ACLY: variants seen among roughly 807,000 people sequenced by gnomAD.
ACLY encodes ATP-citrate synthase.
Under a neutral mutation model 133.0 loss-of-function variants are expected in ACLY, and 41 were observed. The ratio of observed to expected loss-of-function variants is 0.31; its 90% CI spans 0.24 to 0.40. ACLY has a LOEUF of 0.40. Among genes scored for constraint, ACLY ranks in the 10% least tolerant of loss-of-function variants. ACLY has a pLI of 1.00. For missense variants in ACLY, 1,046 were observed against 1,453.8 expected, an observed-to-expected ratio of 0.72 and a Z score of 4.56; for synonymous variants, 495 against 549.3, an observed-to-expected ratio of 0.90 and a Z score of 1.38.
At chr17:41,875,686 C>T (rs1200640695) in intron 22 of ACLY, among the ~76,000 whole-genome samples, 20 of 152,146 alleles carry the variant, frequency 1.3e-4, no homozygotes, top group East Asian at 1.2e-3. Flanking sequence ...ACGAGTGATC[C>T]GCCAGCCTCG....
intron 16 of ACLY, among the ~76,000 whole-genome samples, chr17:41,890,348 T>G (rs2049170196): frequency 6.6e-6 from 1 of 151,990 alleles, no homozygotes; most frequent in Non-Finnish European, 1.5e-5. Context: ...GTTGGAGTCT[T>G]TCTGAGCCTC....
At chr17:41,909,746 G>A (rs558958614) in intron 4 of ACLY, 46 bp from the exon 5 acceptor site, 14 of 1,578,782 alleles carry the variant, frequency 8.9e-6, no homozygotes, top group East Asian at 4.5e-5. Flanking sequence ...TTGTGGGGGC[G>A]AAGCTGGTGA....
At chr17:41,875,762 G>A (rs1256872669) in intron 22 of ACLY, among the ~76,000 whole-genome samples, 1 of 152,216 alleles carries the variant, frequency 6.6e-6, no homozygotes, top group Non-Finnish European at 1.5e-5. Flanking sequence ...TGCCCAGGCT[G>A]GAGTGCAGTG....
upstream of ACLY, among the ~76,000 whole-genome samples, chr17:41,920,204 A>G (rs950502038): frequency 4.4e-4 from 67 of 152,332 alleles, no homozygotes; most frequent in Non-Finnish European, 9.1e-4. Context: ...CTTGCTACCC[A>G]TGCCTGAATC....
intron 11 of ACLY, among the ~76,000 whole-genome samples, chr17:41,900,946 T>G (rs1035267489): frequency 4.0e-5 from 6 of 151,562 alleles, no homozygotes; most frequent in Admixed American, 1.3e-4. Flanking sequence ...CAAATGTCAG[T>G]TTTCTTTTCT....
At position 41,901,896 on chromosome 17, in the gene ACLY, G is replaced by A. The variant is rs1555631701; in HGVS notation, c.1066-83C>T. 3 of 1,098,384 alleles carry A rather than the reference G, an allele frequency of 2.7e-6. No individual in the cohort carries two copies. In the South Asian group the frequency reaches 4.6e-5, roughly 17 times the overall value. 68.0% of individuals were successfully genotyped at this position (1,098,384 alleles called of 1,614,324 possible). ...TAACCGTGATAAACAAACATACCAG[G>A]TATATGTGACAAGTGCTGCTCCTCA... On this transcript the variant is annotated intron_variant, in intron 10 of 28. Transcript: ENST00000352035.
chr17:41,899,417 G>T (rs1196240030), intron 11 of ACLY, among the ~76,000 whole-genome samples: 1 of 152,118 alleles, frequency 6.6e-6, no homozygotes, highest in Non-Finnish European at 1.5e-5. Context: ...GCATCCACCA[G>T]TGCTTGGTCT....
At chr17:41,871,163 C>T (rs1178934902) in intron 25 of ACLY, among the ~76,000 whole-genome samples, 1 of 152,168 alleles carries the variant, frequency 6.6e-6, no homozygotes, top group Non-Finnish European at 1.5e-5. Flanking sequence ...CTGCTATTTC[C>T]ATACTGCAAG....
At position 41,905,589 on chromosome 17, in the gene ACLY, G is replaced by A. The variant is rs782588192; in HGVS notation, c.936C>T (p.Ser312=). Residue 312 remains serine (S), a synonymous_variant, in exon 9 of 29, where the codon AGC becomes AGT. Coordinates refer to ENST00000352035, the MANE Select transcript of ACLY (RefSeq NM_001096.3). The part of the protein sequence containing the change: ...ANYGEYSGAP[S]EQQTYDYAKT... The stretch of plus-strand genomic sequence containing the variant: ...TGGCATAGTCATAGGTCTGCTGCTC[G>A]CTGGGGGCGCCTGAGTACTCCCCAT... 53 of 1,614,070 alleles carry A rather than the reference G, an allele frequency of 3.3e-5. No individual in the cohort carries two copies. The highest frequency in any genetic ancestry group is 3.3e-4 in the Middle Eastern group (2 of 6,084).
chr17:41,881,848 C>T (rs1261927166), intron 20 of ACLY, among the ~76,000 whole-genome samples: 1 of 152,186 alleles, frequency 6.6e-6, no homozygotes, highest in African/African-American at 2.4e-5. Context: ...CCTCTCCTCC[C>T]CTTTTACTTA....
intron 3 of ACLY, among the ~76,000 whole-genome samples, chr17:41,912,039 A>G (rs2049917270): frequency 6.6e-6 from 1 of 150,800 alleles, no homozygotes; most frequent in Non-Finnish European, 1.5e-5. Flanking sequence ...GCTTGAACCC[A>G]GGAGGCGGAG....
At chr17:41,919,015 C>T (rs528987483), upstream of ACLY, 6 of 1,284,960 alleles carry the variant, frequency 4.7e-6, no homozygotes, top group Non-Finnish European at 6.1e-6. Flanking sequence ...CCGCCCCCAT[C>T]GGCTCGCGGC....
At position 41,906,637 on chromosome 17, in the gene ACLY, T is replaced by G. The variant is rs1555632733; in HGVS notation, c.757A>C (p.Ile253Leu). 1 of 1,614,188 alleles carries G rather than the reference T, an allele frequency of 6.2e-7. No homozygotes were observed. The highest frequency in any genetic ancestry group is 8.5e-7 in the Non-Finnish European group (1 of 1,180,020). Residue 253 changes from isoleucine (I) to leucine (L), a missense_variant, in exon 8 of 29, where the codon ATT becomes CTT. By Grantham distance (5) the Ile-to-Leu change is conservative. Transcript: ENST00000352035. ...CCACTTTTGGCATCGAGGTCTGCAA[T>G]GTAGGCTTCCTGGGGACCAGACAGC... ...GREAYPEEAY[I>L]ADLDAKSGAS...
intron 1 of ACLY, among the ~76,000 whole-genome samples, chr17:41,917,436 G>A (rs927812406): frequency 2.0e-5 from 3 of 152,048 alleles, no homozygotes; most frequent in East Asian, 1.9e-4. Context: ...TTCTGCAGAC[G>A]GGTGAGTGAC....
Position 41,882,399 on chromosome 17 carries a change from T to G in ACLY, c.2265+723A>C, listed in dbSNP as rs2048942435. Among the ~76,000 whole-genome samples, 14 of 39,828 alleles carry G rather than the reference T, an allele frequency of 3.5e-4. No individual in the cohort carries two copies. In the South Asian group the frequency reaches 0.012, roughly 35 times the overall value. The allele number at this position is 39,828 out of a possible 152,430, so 26.1% of individuals were successfully genotyped here. On this transcript the variant is annotated intron_variant, in intron 20 of 28. Coordinates refer to ENST00000352035, the MANE Select transcript of ACLY (RefSeq NM_001096.3). Reference sequence around the variant, plus strand: ...AAAAAAAAAAAAAAAAAAAAAAAAGTTGTTTCCAGTTTTTGCTGTTAATGA... The same window carrying G: ...AAAAAAAAAAAAAAAAAAAAAAAAGGTGTTTCCAGTTTTTGCTGTTAATGA...
At chr17:41,917,643 C>T (rs1252086036) in intron 1 of ACLY, among the ~76,000 whole-genome samples, 3 of 152,056 alleles carry the variant, frequency 2.0e-5, no homozygotes, top group Non-Finnish European at 4.4e-5. Flanking sequence ...TTGGGACTTA[C>T]GTATGTAGGT....
intron 22 of ACLY, among the ~76,000 whole-genome samples, chr17:41,876,697 A>G (rs1555626247): frequency 1.3e-5 from 2 of 152,098 alleles, no homozygotes; most frequent in African/African-American, 2.4e-5. Flanking sequence ...GCTTTGTTAA[A>G]CAGATGCTTG....
chr17:41,891,723 T>G (rs1317127357), intron 16 of ACLY, among the ~76,000 whole-genome samples: 1 of 151,888 alleles, frequency 6.6e-6, no homozygotes, highest in Non-Finnish European at 1.5e-5. Flanking sequence ...AAAGACAGGG[T>G]CTTGCTCTGC....
intron 20 of ACLY, among the ~76,000 whole-genome samples, chr17:41,880,078 C>T (rs982270134): frequency 6.6e-6 from 1 of 152,154 alleles, no homozygotes; most frequent in African/African-American, 2.4e-5. Context: ...CACAAGACAT[C>T]TGATGCAAAG....
Sources: allele counts gnomAD v4.1 joint callset (sites outside exome capture counted in the v4.1 genomes callset), GRCh38; gene constraint gnomAD v4.1.1; transcripts MANE v1.5; gene names NCBI Gene and HGNC (gene_info 2026-07-23, HGNC 2026-07-21).